Variants in PROZ observed in about 807,000 individuals in gnomAD.
PROZ encodes vitamin K-dependent protein Z.
In PROZ, 46 loss-of-function variants were observed where a neutral mutation model predicts 34.9. The observed-to-expected ratio is 1.32, with a 90% confidence interval of 1.04 to 1.69. The LOEUF (loss-of-function observed/expected upper bound fraction) is 1.69. Among genes scored for constraint, PROZ ranks in the 40% most tolerant of loss-of-function variants. The probability of loss-of-function intolerance (pLI) is 0.00; values close to 1 mark genes in which losing one functional copy is unlikely to be tolerated. For missense variants in PROZ, 530 were observed against 520.4 expected, an observed-to-expected ratio of 1.02 and a Z score of -0.18; for synonymous variants, 195 against 208.5, an observed-to-expected ratio of 0.94 and a Z score of 0.56.
At chr13:113,161,827 C>T (rs1407154756) in intron 3 of PROZ, among the ~76,000 whole-genome samples, 2 of 118,660 alleles carry the variant, frequency 1.7e-5, no homozygotes, top group East Asian at 5.9e-4. Flanking sequence ...GCTCAGGTCC[C>T]CGTCCCTGCC....
Position 113,159,263 on chromosome 13 carries a change from C to G in PROZ, c.70+533C>G. 1.3e-6 allele frequency: 2 copies of G among 1,546,068 alleles called. No individual in the cohort carries two copies. Among genetic ancestry groups the G allele is most frequent in the Non-Finnish European group, 1.8e-6 (2 of 1,142,728 alleles). On this transcript the variant is annotated intron_variant, in intron 1 of 7. Coordinates refer to ENST00000375547, the MANE Select transcript of PROZ (RefSeq NM_003891.3). The surrounding 1 kb of genome is among the most constrained non-coding windows in gnomAD (Gnocchi z 4.6). The stretch of plus-strand genomic sequence containing the variant: ...CTGCCTGCACAGGCGTCCAGGAAAG[C>G]TGCAAGTCAAAACACCCAGCATCCC...
Position 113,172,155 on chromosome 13 carries a change from A to ACTGTGG in PROZ, c.*50_*51insCTGTGG. On this transcript the variant is annotated 3_prime_UTR_variant, in exon 8 of 8. Transcript: ENST00000375547. ...ACAACACAACCGGAAGCGGGATTCC[A>ACTGTGG]AGCTGGCACTGCCACTGTGGAGGGC... The ACTGTGG allele has an allele frequency of 6.2e-7, 1 of 1,600,040 alleles. No homozygotes were observed. Among genetic ancestry groups the ACTGTGG allele is most frequent in the Non-Finnish European group, 8.5e-7 (1 of 1,173,324 alleles).
In PROZ at chr13:113,164,663, G is replaced by T. The variant is rs773369783; in HGVS notation, c.505+19G>T. The T allele has an allele frequency of 6.2e-7, 1 of 1,612,936 alleles. No homozygotes were observed. The highest frequency in any genetic ancestry group is 1.1e-5 in the South Asian group (1 of 90,982). ...CCCCACGGTGAGTGCTCAGACCACAGCGGCCTCCAGCTTCCAATGCCAGCG... is the reference window on the plus strand; with the variant it reads ...CCCCACGGTGAGTGCTCAGACCACATCGGCCTCCAGCTTCCAATGCCAGCG... On this transcript the variant is annotated intron_variant, in intron 5 of 7. Coordinates refer to ENST00000375547, the MANE Select transcript of PROZ (RefSeq NM_003891.3).
rs146864768 is a variant in PROZ at position 113,160,128 on chromosome 13, T to G, written c.185T>G (p.Ile62Ser). Residue 62 changes from isoleucine (I) to serine (S), a missense_variant, in exon 2 of 8, where the codon ATC becomes AGC. Coordinates refer to ENST00000375547, the MANE Select transcript of PROZ (RefSeq NM_003891.3). ...TTGGAAAAAGAATGTTATGAAGAAA[T>G]CTGTGTCTATGAAGAAGCAAGAGAA... ...GNLEKECYEEICVYEEAREVF... is the reference protein window; with the variant it reads ...GNLEKECYEESCVYEEAREVF... The G allele has an allele frequency of 3.7e-6, 6 of 1,613,980 alleles. No homozygotes were observed. Among genetic ancestry groups the G allele is most frequent in the Admixed American group, 3.3e-5 (2 of 60,000 alleles).
At chr13:113,163,909 C>T (rs1049443597) in intron 4 of PROZ, among the ~76,000 whole-genome samples, 20 of 151,612 alleles carry the variant, frequency 1.3e-4, no homozygotes, top group South Asian at 6.3e-4. Context: ...ACAAAACAGG[C>T]GCGTGGATTA....
chr13:113,159,394 C>T lies in PROZ; in HGVS notation c.71-620C>T, dbSNP rs193069246. The T allele has an allele frequency of 1.2e-4, 113 of 965,314 alleles. No homozygotes were observed. Among genetic ancestry groups the T allele is most frequent in the Admixed American group, 8.9e-4 (42 of 47,112 alleles). The allele number at this position is 965,314 out of a possible 1,614,324, so 59.8% of individuals were successfully genotyped here. A position where few individuals can be genotyped will look rare whatever the true frequency, so the allele number is the denominator to read the frequency against. On this transcript the variant is annotated intron_variant, in intron 1 of 7. Coordinates refer to ENST00000375547, the MANE Select transcript of PROZ (RefSeq NM_003891.3). The surrounding 1 kb of genome is among the most constrained non-coding windows in gnomAD (Gnocchi z 4.6). ...TTACCGTAGCCGGACTTAGCTGAGC[C>T]CCCCCTGCTGTAACCCTCAGCACCG...
At position 113,171,787 on chromosome 13, in the gene PROZ, C is replaced by T. The variant is rs768895870; in HGVS notation, c.885C>T (p.Arg295=). 4 of 1,613,350 alleles carry T rather than the reference C, an allele frequency of 2.5e-6. No individual in the cohort carries two copies. The highest frequency in any genetic ancestry group is 2.5e-6 in the Non-Finnish European group (3 of 1,179,706). ...KDFAEHLLIP[R]TRGLLSGWAR... The stretch of plus-strand genomic sequence containing the variant: ...TCGCTGAGCACCTCCTCATCCCACG[C>T]ACCAGGGGCCTCCTCAGCGGCTGGG... The change falls in exon 8 of 8, where the codon CGC becomes CGT. Residue 295 remains arginine, a synonymous_variant. Coordinates refer to ENST00000375547, the MANE Select transcript of PROZ (RefSeq NM_003891.3). The surrounding 1 kb of genome is among the most constrained non-coding windows in gnomAD (Gnocchi z 5.1).
Position 113,171,551 on chromosome 13 carries a change from G to T in PROZ, c.692-43G>T, listed in dbSNP as rs1218231900. 2 of 1,613,088 alleles carry T rather than the reference G, an allele frequency of 1.2e-6. No individual in the cohort carries two copies. The highest frequency in any genetic ancestry group is 3.3e-5 in the Admixed American group (2 of 59,982). On this transcript the variant is annotated intron_variant, in intron 7 of 7. Transcript: ENST00000375547. The surrounding 1 kb of genome is among the most constrained non-coding windows in gnomAD (Gnocchi z 5.1). ...GCTCGTTTGAGCATTATGTCCCCTTGAAAATCAGACTGTAAAGAACTGACG... is the reference window on the plus strand; with the variant it reads ...GCTCGTTTGAGCATTATGTCCCCTTTAAAATCAGACTGTAAAGAACTGACG...
chr13:113,160,066 G>A lies in PROZ; in HGVS notation c.123G>A (p.Ala41=), dbSNP rs1376387857. ...ANDVLVRWKR[A]GSYLLEELFE... ...ACGTTCTGGTGAGGTGGAAGCGTGC[G>A]GGCTCCTATCTTCTGGAAGAACTCT... is the stretch of plus-strand genomic sequence containing the variant. Residue 41 remains alanine, a synonymous_variant, in exon 2 of 8, where the codon GCG becomes GCA. Coordinates refer to ENST00000375547, the MANE Select transcript of PROZ (RefSeq NM_003891.3). 13 of 1,614,144 alleles carry A rather than the reference G, an allele frequency of 8.1e-6. No individual in the cohort carries two copies. Among genetic ancestry groups the A allele is most frequent in the Admixed American group, 1.7e-5 (1 of 60,024 alleles).
At chr13:113,161,798 CTCCTCACATCCTCCTCCT>C (rs2036767193) in intron 3 of PROZ, among the ~76,000 whole-genome samples, 1 of 129,388 alleles carries the variant, frequency 7.7e-6, no homozygotes, top group African/African-American at 2.9e-5. Context: ...TCCCTGCCAC[CTCCTCACATCCTCCTCCT>C]GCTCAGGTCC....
In PROZ at chr13:113,162,887, TGCCACCCC is replaced by T; in HGVS notation, c.260-121_260-114del. Reference sequence around the variant, plus strand: ...CAGGTGCTCAGGTCCCCGTCCCTGCTGCCACCCCCCACTCCATCCTCCTCCTGCTCAGG... The same window carrying T: ...CAGGTGCTCAGGTCCCCGTCCCTGCTCCACTCCATCCTCCTCCTGCTCAGG... On this transcript the variant is annotated intron_variant, in intron 3 of 7. Transcript: ENST00000375547. The T allele has an allele frequency of 3.2e-6, 2 of 626,764 alleles. 1 individual carries two copies. 38.8% of individuals were successfully genotyped at this position (626,764 alleles called of 1,614,324 possible). A position where few individuals can be genotyped will look rare whatever the true frequency, so the allele number is the denominator to read the frequency against.
chr13:113,161,223 C>T (rs781659025), intron 3 of PROZ, among the ~76,000 whole-genome samples: 4 of 152,250 alleles, frequency 2.6e-5, no homozygotes, highest in Non-Finnish European at 5.9e-5. Flanking sequence ...TTTCTTGGCA[C>T]TCTGGGACAT....
At position 113,159,060 on chromosome 13, in the gene PROZ, G is replaced by T; in HGVS notation, c.70+330G>T. On this transcript the variant is annotated intron_variant, in intron 1 of 7. Transcript: ENST00000375547. This position sits in a 1 kb window ranked among gnomAD's most constrained non-coding sequence, Gnocchi z 4.6. ...TGGGTTGGGCATTGGACGAGGGGAG[G>T]GGGTGGGGCAGGCTGAGCCCAGACT... 1 of 700,254 alleles carries T rather than the reference G, an allele frequency of 1.4e-6. No individual in the cohort carries two copies. Among genetic ancestry groups the T allele is most frequent in the Non-Finnish European group, 2.5e-6 (1 of 398,644 alleles). 43.4% of individuals were successfully genotyped at this position (700,254 alleles called of 1,614,324 possible). A position where few individuals can be genotyped will look rare whatever the true frequency, so the allele number is the denominator to read the frequency against.
chr13:113,170,459 T>C lies in PROZ; in HGVS notation c.620T>C (p.Ile207Thr). Reference protein sequence around the residue: ...SEGKDFCGGVIIRENFVLTTA... With the variant: ...SEGKDFCGGVTIRENFVLTTA... The stretch of plus-strand genomic sequence containing the variant: ...GGAAAAGACTTCTGTGGTGGTGTTA[T>C]AATACGGGAAAATTTTGTACTGACA... Residue 207 changes from isoleucine (I) to threonine (T), a missense_variant, in exon 7 of 8, where the codon ATA becomes ACA. Ile to Thr is a moderately conservative substitution (Grantham distance 89). Coordinates refer to ENST00000375547, the MANE Select transcript of PROZ (RefSeq NM_003891.3). The C allele has an allele frequency of 1.9e-6, 3 of 1,611,332 alleles. No individual in the cohort carries two copies. Among genetic ancestry groups the C allele is most frequent in the Non-Finnish European group, 2.5e-6 (3 of 1,177,440 alleles).
chr13:113,164,945 T>C (rs915117704), intron 5 of PROZ, 108 bp from the exon 6 acceptor site: 2 of 1,131,018 alleles, frequency 1.8e-6, no homozygotes, highest in African/African-American at 1.5e-5. Flanking sequence ...AAGATTATAA[T>C]GGTTAGTACC....
intron 6 of PROZ, 90 bp downstream of exon 6, chr13:113,165,210 G>A: frequency 5.2e-6 from 7 of 1,352,344 alleles, no homozygotes; most frequent in Non-Finnish European, 7.2e-6. Context: ...ACAACTAAGT[G>A]AATCAGGCAT....
intron 6 of PROZ, among the ~76,000 whole-genome samples, chr13:113,165,719 C>T (rs563792109): frequency 1.3e-5 from 2 of 152,120 alleles, no homozygotes; most frequent in East Asian, 1.9e-4. Context: ...TTAGTAGAGA[C>T]GGGGTTTCAC....
At chr13:113,169,498 A>T (rs2037045504) in intron 6 of PROZ, among the ~76,000 whole-genome samples, 2 of 152,170 alleles carry the variant, frequency 1.3e-5, no homozygotes, top group Admixed American at 1.3e-4. Context: ...TGTGAATTTT[A>T]TCCTGTTAGG....
At chr13:113,163,986 T>A (rs142572170) in intron 4 of PROZ, among the ~76,000 whole-genome samples, 1,948 of 151,554 alleles carry the variant, frequency 0.013, 42 homozygotes, top group African/African-American at 0.045. Flanking sequence ...TTTTAATTTT[T>A]ATTTTATTTT....
Sources: gnomAD v4.1 joint callset for allele counts (sites outside exome capture counted in the v4.1 genomes callset) on GRCh38, gnomAD v4.1.1 for gene constraint, Gnocchi (gnomAD v3.1) non-coding constraint, MANE v1.5 for transcripts, NCBI Gene and HGNC (gene_info 2026-07-23, HGNC 2026-07-21) for gene names.